PCDH11X: variants seen among roughly 807,000 people sequenced by gnomAD.
PCDH11X encodes protocadherin-11 X-linked.
Under a neutral mutation model 53.3 loss-of-function variants are expected in PCDH11X, and 18 were observed. The ratio of observed to expected loss-of-function variants is 0.34; its 90% confidence interval spans 0.23 to 0.50. The LOEUF (loss-of-function observed/expected upper bound fraction) is 0.50. Among genes scored for constraint, PCDH11X ranks in the 20% least tolerant of loss-of-function variants. The pLI is 0.98. For missense variants in PCDH11X, 570 were observed against 1,032.4 expected, an observed-to-expected ratio of 0.55 and a Z score of 6.14; for synonymous variants, 279 against 393.3, an observed-to-expected ratio of 0.71 and a Z score of 3.44.
intron 6 of PCDH11X, among the ~76,000 whole-genome samples, chrX:92,121,372 T>G (rs1352035108): frequency 9.0e-6 from 1 of 111,141 alleles, no homozygotes; most frequent in Admixed American, 9.6e-5. Flanking sequence ...GCCAGGCTGG[T>G]CTCGAACTCC....
intron 1 of PCDH11X, among the ~76,000 whole-genome samples, chrX:91,806,902 T>C (rs10481955): frequency 0.33 from 36,372 of 111,183 alleles, 4,895 homozygotes; most frequent in African/African-American, 0.52. Context: ...AGTTTTTCTA[T>C]TATAAATAAT....
intron 10 of PCDH11X, among the ~76,000 whole-genome samples, chrX:92,605,799 T>C (rs1255346023): frequency 9.0e-6 from 1 of 111,514 alleles, no homozygotes; most frequent in Non-Finnish European, 1.9e-5. Flanking sequence ...TCTAAACTAT[T>C]GGTGAAAGAA....
At chrX:92,372,858 A>G (rs1390046741) in intron 8 of PCDH11X, among the ~76,000 whole-genome samples, 2 of 108,054 alleles carry the variant, frequency 1.9e-5, no homozygotes, top group African/African-American at 6.7e-5. Context: ...TAGCAGGGTA[A>G]TAAGGCCCAG....
intron 10 of PCDH11X, among the ~76,000 whole-genome samples, chrX:92,517,236 C>G (rs780454009): frequency 9.0e-6 from 1 of 111,325 alleles, no homozygotes; most frequent in East Asian, 2.8e-4. Flanking sequence ...TTAAAAAACC[C>G]AAAATACAAA....
At chrX:92,530,542 G>A (rs1453678618) in intron 10 of PCDH11X, among the ~76,000 whole-genome samples, 1 of 111,813 alleles carries the variant, frequency 8.9e-6, no homozygotes, top group Non-Finnish European at 1.9e-5. Context: ...AGATACTATG[G>A]CCTCTAGTAC....
chrX:92,408,569 T>TA (rs1273073887), intron 9 of PCDH11X, among the ~76,000 whole-genome samples: 47 of 110,550 alleles, frequency 4.3e-4, no homozygotes, highest in East Asian at 1.1e-3. Context: ...GTATTTTTTT[T>TA]ATTTTTATTT....
chrX:91,902,229 A>G, intron 6 of PCDH11X, among the ~76,000 whole-genome samples: 1 of 110,218 alleles, frequency 9.1e-6, no homozygotes, highest in Admixed American at 9.8e-5. Context: ...TCAATTCCCA[A>G]TTGCTCTTCA....
chrX:92,147,888 TTC>T (rs2065315407), intron 6 of PCDH11X, among the ~76,000 whole-genome samples: 1 of 97,979 alleles, frequency 1.0e-5, no homozygotes, highest in Admixed American at 1.2e-4. Flanking sequence ...TTCTTTTTCT[TTC>T]TCTTTCCTTT....
intron 8 of PCDH11X, among the ~76,000 whole-genome samples, chrX:92,307,059 C>T (rs1054129327): frequency 6.0e-4 from 66 of 109,392 alleles, no homozygotes; most frequent in African/African-American, 2.1e-3. Context: ...AACATCAATC[C>T]CCTTCAAATT....
intron 8 of PCDH11X, among the ~76,000 whole-genome samples, chrX:92,346,973 A>AG (rs1261986712): frequency 1.8e-5 from 2 of 110,493 alleles, no homozygotes; most frequent in South Asian, 3.7e-4. Context: ...GGTAAAAAAA[A>AG]CTAAGGTTTA....
At chrX:92,329,965 TAACTA>T (rs1405510624) in intron 8 of PCDH11X, among the ~76,000 whole-genome samples, 2 of 110,768 alleles carry the variant, frequency 1.8e-5, no homozygotes, top group Non-Finnish European at 3.8e-5. Flanking sequence ...CATTTACAAA[TAACTA>T]AAAGAGTATA....
chrX:91,907,065 C>T (rs866018664), intron 6 of PCDH11X, among the ~76,000 whole-genome samples: 12 of 102,913 alleles, frequency 1.2e-4, no homozygotes, highest in Admixed American at 1.1e-4. Flanking sequence ...TAGGTAACTG[C>T]CAACTTCATG....
At chrX:91,810,273 C>T (rs61613797) in intron 2 of PCDH11X, among the ~76,000 whole-genome samples, 200 bp from the exon 3 acceptor site, 6,574 of 110,846 alleles carry the variant, frequency 0.059, 512 homozygotes, top group African/African-American at 0.21. Flanking sequence ...TCATAAAACA[C>T]AATCTTTATG....
At chrX:91,867,037 C>T (rs190565309) in intron 5 of PCDH11X, among the ~76,000 whole-genome samples, 46 of 111,585 alleles carry the variant, frequency 4.1e-4, no homozygotes, top group East Asian at 1.4e-3. Flanking sequence ...TTTAGTTATT[C>T]GAATGACTTA....
At chrX:91,921,004 T>C (rs1161804685) in intron 6 of PCDH11X, among the ~76,000 whole-genome samples, 1 of 111,652 alleles carries the variant, frequency 9.0e-6, no homozygotes, top group Non-Finnish European at 1.9e-5. Context: ...ACTATATGGA[T>C]TTCCAGAGTC....
chrX:91,892,081 C>T (rs1482906375), intron 6 of PCDH11X, among the ~76,000 whole-genome samples: 7 of 104,661 alleles, frequency 6.7e-5, no homozygotes, highest in Non-Finnish European at 9.7e-5. Flanking sequence ...AGTAAACCAC[C>T]TCCCAAGTAT....
chrX:91,981,387 A>G (rs1390339824), intron 6 of PCDH11X, among the ~76,000 whole-genome samples: 2 of 110,457 alleles, frequency 1.8e-5, no homozygotes, highest in African/African-American at 6.6e-5. Flanking sequence ...TATATTCCAC[A>G]AAGATCTATA....
intron 8 of PCDH11X, among the ~76,000 whole-genome samples, chrX:92,273,462 T>A (rs1342417245): frequency 3.6e-5 from 4 of 111,514 alleles, no homozygotes; most frequent in South Asian, 3.8e-4. Flanking sequence ...TTCTGGTCCT[T>A]TCCGTGCAAG....
At chrX:92,327,912 T>C (rs3865927) in intron 8 of PCDH11X, among the ~76,000 whole-genome samples, 19,479 of 99,588 alleles carry the variant, frequency 0.2, 2,078 homozygotes, top group East Asian at 0.67. Flanking sequence ...TTAAAAAATG[T>C]CCTGTTTAAA....
Sources: allele counts gnomAD v4.1 joint callset (sites outside exome capture counted in the v4.1 genomes callset), GRCh38; gene constraint gnomAD v4.1.1; transcripts MANE v1.5; gene names NCBI Gene and HGNC (gene_info 2026-07-23, HGNC 2026-07-21).